Variants in APPBP2 observed in about 807,000 individuals in gnomAD.
APPBP2 encodes amyloid protein-binding protein 2.
Under a neutral mutation model 76.0 loss-of-function variants are expected in APPBP2, and 15 were observed. That is an observed-to-expected ratio of 0.20 (90% confidence interval 0.13 to 0.30). The LOEUF is 0.30. Ranked by LOEUF, APPBP2 falls within the 10% of genes least tolerant of loss-of-function variation. APPBP2 has a pLI of 1.00. For synonymous variants in APPBP2, 222 were observed against 242.2 expected (o/e 0.92, Z 0.77); for missense variants, 401 against 687.2 (o/e 0.58, Z 4.66).
chr17:60,444,094 CT>C lies in APPBP2; in HGVS notation c.*3486del. 6.6e-6 allele frequency: 1 copy of C among 151,686 alleles called. No individual in the cohort carries two copies. The highest frequency in any genetic ancestry group is 1.9e-4 in the East Asian group (1 of 5,160). The allele number at this position is 151,686 out of a possible 1,614,324, so 9.4% of individuals were successfully genotyped here. On this transcript the variant is annotated 3_prime_UTR_variant, in exon 13 of 13. Coordinates refer to ENST00000083182, the MANE Select transcript of APPBP2 (RefSeq NM_006380.5). ...AGTGAGCCAAGACGGTGCCATTGCC[CT>C]CCCAGCCTGGGCAACAAGAGCGAAA...
chr17:60,518,017 G>A (rs894597559), intron 1 of APPBP2, among the ~76,000 whole-genome samples: 5 of 149,936 alleles, frequency 3.3e-5, no homozygotes, highest in African/African-American at 1.2e-4. Flanking sequence ...CCCTTCATCT[G>A]TCAAATGCTG....
At chr17:60,451,406 T>C (rs2090393955) in intron 12 of APPBP2, among the ~76,000 whole-genome samples, 1 of 152,202 alleles carries the variant, frequency 6.6e-6, no homozygotes, top group Non-Finnish European at 1.5e-5. Flanking sequence ...GGGTGGTTCC[T>C]GAATATCCTT....
At chr17:60,457,328 C>T (rs1314287013) in intron 9 of APPBP2, among the ~76,000 whole-genome samples, 1 of 152,158 alleles carries the variant, frequency 6.6e-6, no homozygotes, top group African/African-American at 2.4e-5. Context: ...CAGGTAACCA[C>T]TAGTTTTCTC....
At chr17:60,460,035 CTA>C (rs940245658) in intron 9 of APPBP2, 8 of 152,132 alleles carry the variant, frequency 5.3e-5, no homozygotes, top group African/African-American at 1.9e-4. Flanking sequence ...TTCAGTATTT[CTA>C]TGTGTTATCA....
chr17:60,457,749 T>C (rs2090442235), intron 9 of APPBP2, among the ~76,000 whole-genome samples: 1 of 152,246 alleles, frequency 6.6e-6, no homozygotes. Context: ...AGTTTTAATG[T>C]CAATGACTAT....
intron 4 of APPBP2, among the ~76,000 whole-genome samples, chr17:60,478,126 T>C (rs563988466): frequency 2.5e-4 from 38 of 152,246 alleles, no homozygotes; most frequent in Admixed American, 9.8e-4. Context: ...TCCATAAAAA[T>C]AGAAGACTGT....
chr17:60,466,145 A>AATCCT (rs1207305432), intron 5 of APPBP2, 146 bp downstream of exon 5: 2 of 769,080 alleles, frequency 2.6e-6, no homozygotes, highest in Non-Finnish European at 3.8e-6. Context: ...TCTGATTTTA[A>AATCCT]ATTTTCCATT....
chr17:60,483,804 C>G lies in APPBP2; in HGVS notation c.380-4533G>C, dbSNP rs370229862. On this transcript the variant is annotated intron_variant, in intron 3 of 12. Coordinates refer to ENST00000083182, the MANE Select transcript of APPBP2 (RefSeq NM_006380.5). Reference sequence around the variant, plus strand: ...GTGTTTTAGACATGAAGTCCTTGCCCGTGCCTATGTCCTGAATGGTATTGC... The same window carrying G: ...GTGTTTTAGACATGAAGTCCTTGCCGGTGCCTATGTCCTGAATGGTATTGC... Among the ~76,000 whole-genome samples, 229 of 152,264 alleles carry G rather than the reference C, an allele frequency of 1.5e-3. 1 individual carries two copies. The highest frequency in any genetic ancestry group is 5.0e-3 in the African/African-American group (206 of 41,546).
chr17:60,486,112 C>T (rs1395402408), intron 3 of APPBP2, among the ~76,000 whole-genome samples: 2 of 152,174 alleles, frequency 1.3e-5, no homozygotes, highest in Non-Finnish European at 2.9e-5. Flanking sequence ...GAGTGCTTTA[C>T]TTTCAACTAT....
intron 1 of APPBP2, among the ~76,000 whole-genome samples, chr17:60,522,871 T>A (rs1221973373): frequency 4.0e-5 from 6 of 151,388 alleles, no homozygotes; most frequent in South Asian, 4.1e-4. Flanking sequence ...CTTTTTTTTT[T>A]TTAAAAAAAA....
intron 2 of APPBP2, among the ~76,000 whole-genome samples, chr17:60,497,251 GAAC>G (rs1440900124): frequency 6.6e-6 from 1 of 152,144 alleles, no homozygotes; most frequent in Non-Finnish European, 1.5e-5. Context: ...GCCAAGGAAA[GAAC>G]AACTTTGCAT....
intron 1 of APPBP2, among the ~76,000 whole-genome samples, chr17:60,525,365 G>A (rs1233597276): frequency 6.6e-6 from 1 of 152,220 alleles, no homozygotes; most frequent in Admixed American, 6.5e-5. Flanking sequence ...GGAAGGCGGC[G>A]AGATGAGAAA....
rs112224706 is a variant in APPBP2 at position 60,498,696 on chromosome 17, A to G, written c.227+1703T>C. ...CCAGACACAAAAGGGCACAAACTGT[A>G]TAATTGTATTTAATATGTTCTAAAA... On this transcript the variant is annotated intron_variant, in intron 2 of 12. Transcript: ENST00000083182. Among the ~76,000 whole-genome samples the G allele has an allele frequency of 7.5e-4, 114 of 152,364 alleles. 1 individual carries two copies. Among genetic ancestry groups the G allele is most frequent in the African/African-American group, 2.6e-3 (110 of 41,580 alleles).
At chr17:60,523,185 A>G (rs2091024477) in intron 1 of APPBP2, among the ~76,000 whole-genome samples, 1 of 152,196 alleles carries the variant, frequency 6.6e-6, no homozygotes, top group Non-Finnish European at 1.5e-5. Context: ...TAAAGTGCAG[A>G]AAATTGGAAA....
chr17:60,450,188 C>CT lies in APPBP2; in HGVS notation c.1504+1691_1504+1692insA, dbSNP rs2090382460. Among the ~76,000 whole-genome samples the CT allele has an allele frequency of 2.7e-5, 4 of 147,322 alleles. 1 individual carries two copies. Among genetic ancestry groups the CT allele is most frequent in the Admixed American group, 2.7e-4 (4 of 15,068 alleles). On this transcript the variant is annotated intron_variant, in intron 12 of 12. Coordinates refer to ENST00000083182, the MANE Select transcript of APPBP2 (RefSeq NM_006380.5). Reference sequence around the variant, plus strand: ...CGGTGGCTCATGAGGCCTGTAATCCCAGCACTCTGGGAGGCCAAGGCAGGC... The same window carrying CT: ...CGGTGGCTCATGAGGCCTGTAATCCCTAGCACTCTGGGAGGCCAAGGCAGGC...
chr17:60,520,212 G>A (rs1006287749), intron 1 of APPBP2, among the ~76,000 whole-genome samples: 1 of 152,054 alleles, frequency 6.6e-6, no homozygotes, highest in Admixed American at 6.6e-5. Context: ...AATTAGTATG[G>A]TTTTCAGCAT....
rs1197173787 is a variant in APPBP2 at position 60,446,031 on chromosome 17, A to AT, written c.*1549dup. 6 of 152,242 alleles carry AT rather than the reference A, an allele frequency of 3.9e-5. No individual in the cohort carries two copies. The East Asian group carries it at 1.2e-3, about 29-fold the overall frequency. The allele number at this position is 152,242 out of a possible 1,614,324, so 9.4% of individuals were successfully genotyped here. The stretch of plus-strand genomic sequence containing the variant: ...GTACTCAATGTGGCAGACAGCTTAG[A>AT]TTTTTTTCCCCTCTCACCCAACATG... On this transcript the variant is annotated 3_prime_UTR_variant, in exon 13 of 13. Coordinates refer to ENST00000083182, the MANE Select transcript of APPBP2 (RefSeq NM_006380.5).
At chr17:60,524,876 T>C (rs775616121) in intron 1 of APPBP2, among the ~76,000 whole-genome samples, 2 of 152,206 alleles carry the variant, frequency 1.3e-5, no homozygotes, top group Non-Finnish European at 2.9e-5. Context: ...CAAGGAAGAC[T>C]GAATAATAAA....
chr17:60,517,829 T>C (rs867469316), intron 1 of APPBP2, among the ~76,000 whole-genome samples: 3 of 152,354 alleles, frequency 2.0e-5, no homozygotes, highest in South Asian at 2.1e-4. Flanking sequence ...ATCGTCATGA[T>C]TACCTTGCAT....
Sources: allele counts gnomAD v4.1 joint callset (sites outside exome capture counted in the v4.1 genomes callset), GRCh38; gene constraint gnomAD v4.1.1; transcripts MANE v1.5; gene names NCBI Gene and HGNC (gene_info 2026-07-23, HGNC 2026-07-21).